Variants in ITK observed in about 807,000 individuals in gnomAD.
The protein encoded by ITK is IL2 inducible T cell kinase, also known as tyrosine-protein kinase ITK/TSK.
Under a neutral mutation model 87.6 loss-of-function variants are expected in ITK, and 45 were observed. The ratio of observed to expected loss-of-function variants is 0.51; its 90% CI spans 0.40 to 0.66. The LOEUF (loss-of-function observed/expected upper bound fraction) is 0.66. ITK is among the 30% of genes least tolerant of loss of function. ITK has a pLI of 0.00. For missense variants in ITK, 605 were observed against 766.3 expected, an observed-to-expected ratio of 0.79 and a Z score of 2.48; for synonymous variants, 303 against 273.6, an observed-to-expected ratio of 1.11 and a Z score of -1.06.
At chr5:157,205,276 T>C (rs1274281417) in intron 1 of ITK, among the ~76,000 whole-genome samples, 1 of 152,152 alleles carries the variant, frequency 6.6e-6, no homozygotes, top group Non-Finnish European at 1.5e-5. Flanking sequence ...AGAGCTCTTA[T>C]AGTAAGAGGC....
At chr5:157,243,524 T>C (rs778246175) in intron 11 of ITK, 99 bp from the exon 12 acceptor site, 16 of 943,948 alleles carry the variant, frequency 1.7e-5, no homozygotes, top group Non-Finnish European at 2.5e-5. Flanking sequence ...ATATTAACAA[T>C]AGGCTAAAAT....
At chr5:157,204,122 C>T (rs1365345877) in intron 1 of ITK, among the ~76,000 whole-genome samples, 2 of 152,184 alleles carry the variant, frequency 1.3e-5, no homozygotes, top group African/African-American at 4.8e-5. Flanking sequence ...GTGATTCTCC[C>T]ACTTCACCCT....
At chr5:157,204,214 C>A (rs1469018002) in intron 1 of ITK, among the ~76,000 whole-genome samples, 2 of 152,166 alleles carry the variant, frequency 1.3e-5, no homozygotes, top group Non-Finnish European at 2.9e-5. Context: ...CTATGTTGCC[C>A]AGGCTGCTCT....
intron 15 of ITK, among the ~76,000 whole-genome samples, chr5:157,246,780 G>C (rs1368295016): frequency 6.6e-6 from 1 of 152,158 alleles, no homozygotes; most frequent in South Asian, 2.1e-4. Context: ...AGAGGGACCA[G>C]CAAGTGCAAA....
chr5:157,233,957 ATATATATTTTTTTTTTTT>A (rs1754719773), intron 8 of ITK, among the ~76,000 whole-genome samples: 1 of 26,298 alleles, frequency 3.8e-5, no homozygotes, highest in African/African-American at 1.4e-4. Context: ...ATATATATAT[ATATATATTTTTTTTTTTT>A]TTTTTTTTTT....
At chr5:157,201,689 GA>G (rs141224690) in intron 1 of ITK, among the ~76,000 whole-genome samples, 7 of 101,020 alleles carry the variant, frequency 6.9e-5, no homozygotes, top group African/African-American at 2.3e-4. Flanking sequence ...TCCAGATTGA[GA>G]AAAAAAAGTA....
chr5:157,229,460 A>C (rs1189915660), intron 7 of ITK, among the ~76,000 whole-genome samples: 1 of 152,230 alleles, frequency 6.6e-6, no homozygotes, highest in African/African-American at 2.4e-5. Context: ...CTGCTCAAAA[A>C]ATGCACAACA....
At chr5:157,201,300 C>CTTTTTTTT (rs34626223) in intron 1 of ITK, among the ~76,000 whole-genome samples, 28 of 128,508 alleles carry the variant, frequency 2.2e-4, no homozygotes, top group Admixed American at 6.6e-4. Flanking sequence ...TAAATTTCCA[C>CTTTTTTTT]TTTTTTTTTT....
At chr5:157,239,519 G>T (rs1754844608) in intron 9 of ITK, among the ~76,000 whole-genome samples, 1 of 142,472 alleles carries the variant, frequency 7.0e-6, no homozygotes, top group Non-Finnish European at 1.5e-5. Context: ...TAAAACACAT[G>T]TTTCTAGCAG....
At chr5:157,194,804 A>G (rs1024643437) in intron 1 of ITK, among the ~76,000 whole-genome samples, 1 of 152,206 alleles carries the variant, frequency 6.6e-6, no homozygotes, top group African/African-American at 2.4e-5. Context: ...GGAAAAAATA[A>G]GTCAATTGAA....
chr5:157,212,602 C>CT (rs1268763657), intron 3 of ITK, among the ~76,000 whole-genome samples: 1 of 152,204 alleles, frequency 6.6e-6, no homozygotes, highest in Non-Finnish European at 1.5e-5. Flanking sequence ...GGGAGGATCA[C>CT]TTGAGCTCAG....
At chr5:157,200,956 CAA>C (rs371647165) in intron 1 of ITK, among the ~76,000 whole-genome samples, 1 of 151,532 alleles carries the variant, frequency 6.6e-6, no homozygotes, top group Non-Finnish European at 1.5e-5. Flanking sequence ...GACTTAAGTA[CAA>C]AAAAAACTCA....
chr5:157,221,670 C>T (rs1427742618), intron 5 of ITK, among the ~76,000 whole-genome samples: 1 of 152,198 alleles, frequency 6.6e-6, no homozygotes, highest in Non-Finnish European at 1.5e-5. Context: ...CCTTTCTCTT[C>T]ACAGCTATTA....
chr5:157,188,086 C>T (rs1242741666), intron 1 of ITK, among the ~76,000 whole-genome samples: 1 of 152,196 alleles, frequency 6.6e-6, no homozygotes, highest in Non-Finnish European at 1.5e-5. Context: ...CAGGCATGAG[C>T]CACCATGCCT....
At chr5:157,207,676 A>G (rs899851967) in intron 1 of ITK, among the ~76,000 whole-genome samples, 11 of 151,968 alleles carry the variant, frequency 7.2e-5, no homozygotes, top group Admixed American at 6.6e-5. Context: ...CACCATGTCC[A>G]GCCTTAGATA....
intron 7 of ITK, among the ~76,000 whole-genome samples, chr5:157,232,041 C>T (rs1561660378): frequency 6.6e-6 from 1 of 152,068 alleles, no homozygotes; most frequent in South Asian, 2.1e-4. Flanking sequence ...AATGAATATC[C>T]ATGTTCCCCA....
chr5:157,219,788 G>A (rs1242826733), intron 5 of ITK, among the ~76,000 whole-genome samples: 2 of 152,222 alleles, frequency 1.3e-5, no homozygotes, highest in Non-Finnish European at 1.5e-5. Context: ...CAACAGTCCC[G>A]CCTAAACCCA....
chr5:157,189,280 G>C (rs1753704754), intron 1 of ITK, among the ~76,000 whole-genome samples: 2 of 152,118 alleles, frequency 1.3e-5, no homozygotes, highest in African/African-American at 4.8e-5. Context: ...CTACTGTTCA[G>C]GGACTGGTAC....
At chr5:157,201,721 C>T (rs908604635) in intron 1 of ITK, among the ~76,000 whole-genome samples, 1 of 138,976 alleles carries the variant, frequency 7.2e-6, no homozygotes, top group Admixed American at 7.3e-5. Context: ...TCATTGCACA[C>T]CACATAATTT....
Sources: allele counts gnomAD v4.1 joint callset (sites outside exome capture counted in the v4.1 genomes callset), GRCh38; gene constraint gnomAD v4.1.1; transcripts MANE v1.5; gene names NCBI Gene and HGNC (gene_info 2026-07-23, HGNC 2026-07-21).